MARS1: variants seen among roughly 807,000 people sequenced by gnomAD.
MARS1 encodes the protein methionyl-tRNA synthetase 1, also known as methionine--tRNA ligase, cytoplasmic.
A neutral mutation model predicts 119.5 loss-of-function variants in MARS1; 80 were observed. The ratio of observed to expected loss-of-function variants is 0.67; its 90% confidence interval spans 0.56 to 0.81. The LOEUF (loss-of-function observed/expected upper bound fraction) is 0.81, where lower values mean the gene tolerates loss of function less well. Ranked by LOEUF, MARS1 falls within the 30% of genes least tolerant of loss-of-function variation. The probability of loss-of-function intolerance (pLI) is 0.00; values close to 1 mark genes in which losing one functional copy is unlikely to be tolerated. For synonymous variants in MARS1, 418 were observed against 433.4 expected, an observed-to-expected ratio of 0.96 and a Z score of 0.44; for missense variants, 945 against 1,116.5, an observed-to-expected ratio of 0.85 and a Z score of 2.19.
intron 11 of MARS1, among the ~76,000 whole-genome samples, chr12:57,507,956 C>T (rs1335684326): frequency 5.3e-5 from 8 of 151,134 alleles, no homozygotes; most frequent in Non-Finnish European, 7.4e-5. Context: ...GGGCGGCTGC[C>T]GGGCGGAGGG....
At chr12:57,506,633 A>G (rs1367820399) in intron 11 of MARS1, among the ~76,000 whole-genome samples, 1 of 152,118 alleles carries the variant, frequency 6.6e-6, no homozygotes, top group Non-Finnish European at 1.5e-5. Context: ...CTGTGTGATT[A>G]ATATTTTCCC....
At chr12:57,510,934 T>G (rs1182428815) in intron 11 of MARS1, among the ~76,000 whole-genome samples, 19 of 151,482 alleles carry the variant, frequency 1.3e-4, no homozygotes, top group Admixed American at 1.3e-3. Context: ...ATTAACCAGG[T>G]GTGGTGGCAC....
At chr12:57,500,157 C>A (rs558863313) in intron 9 of MARS1, 164 bp from the exon 10 acceptor site, 201 of 683,060 alleles carry the variant, frequency 2.9e-4, no homozygotes, top group Non-Finnish European at 5.1e-4. Flanking sequence ...GGTCTGAGCT[C>A]ATCCAGTAAA....
At chr12:57,510,096 C>A (rs774577331) in intron 11 of MARS1, among the ~76,000 whole-genome samples, 1 of 152,140 alleles carries the variant, frequency 6.6e-6, no homozygotes, top group African/African-American at 2.4e-5. Context: ...ACCGCACTCT[C>A]AAACTCTCGG....
chr12:57,515,468 C>T, intron 18 of MARS1, 132 bp downstream of exon 18: 1 of 864,052 alleles, frequency 1.2e-6, no homozygotes, highest in South Asian at 1.8e-5. Context: ...ATATAAAGTC[C>T]TTGGTAGTCG....
rs745552306 is a variant in MARS1 at position 57,512,271 on chromosome 12, T to C, written c.1671T>C (p.Val557=). 1 of 1,614,160 alleles carries C rather than the reference T, an allele frequency of 6.2e-7. No individual in the cohort carries two copies. The highest frequency in any genetic ancestry group is 1.1e-5 in the South Asian group (1 of 91,084). ...DLYQFMAKDN[V]PFHSLVFPCS... is the part of the protein sequence containing the mutation. ...ATCAGTTCATGGCCAAAGACAATGT[T>C]CCTTTCCATAGCTTAGTCTTTCCTT... The change falls in exon 14 of 21, where the codon GTT becomes GTC. Residue 557 remains valine (V), a synonymous_variant. Coordinates refer to ENST00000262027, the MANE Select transcript of MARS1 (RefSeq NM_004990.4).
In MARS1 at chr12:57,493,514, ATATATAATATAT is replaced by A. The variant is rs1876201017; in HGVS notation, c.770+2875_770+2886del. ...AATATATTATAATATATAATATATAATATATAATATATTATAATATATAATATATTATAATAT... is the reference window on the plus strand; with the variant it reads ...AATATATTATAATATATAATATATAATATAATATATAATATATTATAATAT... On this transcript the variant is annotated intron_variant, in intron 7 of 20. Coordinates refer to ENST00000262027, the MANE Select transcript of MARS1 (RefSeq NM_004990.4). 6.2e-3 allele frequency among the ~76,000 whole-genome samples: 59 copies of A among 9,546 alleles called. 10 individuals are homozygous for A. The highest frequency in any genetic ancestry group is 8.8e-3 in the Non-Finnish European group (51 of 5,808). 6.3% of individuals were successfully genotyped at this position (9,546 alleles called of 152,430 possible).
Position 57,500,303 on chromosome 12 carries a change from C to G in MARS1, c.1092-18C>G. On this transcript the variant is annotated intron_variant, in intron 9 of 20. Transcript: ENST00000262027. ...GTCTTCTGACTGTCTCTTCCTGATC[C>G]CTGGCCCACCTCACCAGAATCACCC... The G allele has an allele frequency of 6.2e-7, 1 of 1,612,214 alleles. No individual in the cohort carries two copies. Among genetic ancestry groups the G allele is most frequent in the Non-Finnish European group, 8.5e-7 (1 of 1,178,458 alleles).
intron 11 of MARS1, among the ~76,000 whole-genome samples, chr12:57,504,848 C>A (rs551793591): frequency 6.6e-6 from 1 of 151,664 alleles, no homozygotes; most frequent in Non-Finnish European, 1.5e-5. Context: ...GGATTACAGG[C>A]GTCTGCCACC....
intron 1 of MARS1, chr12:57,488,742 T>C: frequency 7.7e-7 from 1 of 1,306,076 alleles, no homozygotes; most frequent in South Asian, 1.3e-5. Flanking sequence ...TTACTTTCAG[T>C]CGTTAAGTTC....
Position 57,511,779 on chromosome 12 carries a change from T to C in MARS1, c.1450T>C (p.Ser484Pro), listed in dbSNP as rs1333359524. The C allele has an allele frequency of 1.2e-6, 2 of 1,614,210 alleles. No homozygotes were observed. The highest frequency in any genetic ancestry group is 1.7e-5 in the Admixed American group (1 of 60,032). The change falls in exon 12 of 21, where the codon TCT becomes CCT. Residue 484 changes from serine (S) to proline (P), a missense_variant. Ser to Pro is a moderately conservative substitution (Grantham distance 74). Transcript: ENST00000262027. ...WTPNAQFITR[S>P]WLRDGLKPRC... Reference sequence around the variant, plus strand: ...ACCCAATGCCCAGTTTATCACCCGTTCTTGGCTTCGGGATGGCCTCAAGCC... The same window carrying C: ...ACCCAATGCCCAGTTTATCACCCGTCCTTGGCTTCGGGATGGCCTCAAGCC...
In MARS1 at chr12:57,504,257, T is replaced by C. The variant is rs758299712; in HGVS notation, c.1326T>C (p.Pro442=). 6.2e-7 allele frequency: 1 copy of C among 1,614,178 alleles called. No individual in the cohort carries two copies. The highest frequency in any genetic ancestry group is 1.1e-5 in the South Asian group (1 of 91,086). Residue 442 remains proline, a synonymous_variant, in exon 11 of 21, where the codon CCT becomes CCC. Coordinates refer to ENST00000262027, the MANE Select transcript of MARS1 (RefSeq NM_004990.4). ...AGTGTAAAGTCTGCCGATCATGCCC[T>C]GTGGTGCAGTCGAGCCAGCACCTGT... is the stretch of plus-strand genomic sequence containing the variant. The part of the protein sequence containing the change: ...KPQCKVCRSC[P]VVQSSQHLFL...
Position 57,511,862 on chromosome 12 carries a change from AG to A in MARS1, c.1534del (p.Asp512ThrfsTer51), listed in dbSNP as rs1771114461. ...CCCCTGTACCCTTAGAAGGTTTTGA[AG>A]ACAAGGTAAAAACCCTTTTTTATTC... is the stretch of plus-strand genomic sequence containing the variant. ...GTPVPLEGFE[D>X]KVFYVWFDAT... On this transcript the variant is annotated frameshift_variant, in exon 12 of 21. Coordinates refer to ENST00000262027, the MANE Select transcript of MARS1 (RefSeq NM_004990.4). LOFTEE classifies it high-confidence loss of function. 4 of 1,613,938 alleles carry A rather than the reference AG, an allele frequency of 2.5e-6. No homozygotes were observed. Among genetic ancestry groups the A allele is most frequent in the Non-Finnish European group, 3.4e-6 (4 of 1,179,868 alleles).
intron 7 of MARS1, among the ~76,000 whole-genome samples, chr12:57,495,325 G>A (rs1876552072): frequency 6.6e-6 from 1 of 151,090 alleles, no homozygotes; most frequent in Non-Finnish European, 1.5e-5. Context: ...CCCGGATGGG[G>A]TGGCGGTCGG....
intron 11 of MARS1, among the ~76,000 whole-genome samples, chr12:57,507,448 C>T (rs1877241821): frequency 1.3e-5 from 1 of 76,144 alleles, no homozygotes; most frequent in Non-Finnish European, 3.1e-5. Flanking sequence ...GCGCCCCTCA[C>T]CTCCCGGACG....
At chr12:57,495,778 C>G (rs1287549537) in intron 7 of MARS1, among the ~76,000 whole-genome samples, 1 of 152,258 alleles carries the variant, frequency 6.6e-6, no homozygotes, top group Non-Finnish European at 1.5e-5. Flanking sequence ...GCGGGCAGAT[C>G]ACTCGCGGTC....
intron 19 of MARS1, 86 bp downstream of exon 19, chr12:57,516,077 T>A: frequency 3.4e-6 from 5 of 1,460,796 alleles, no homozygotes; most frequent in Non-Finnish European, 4.8e-6. Context: ...CACCCATCAC[T>A]CTTTCCATCT....
intron 1 of MARS1, chr12:57,488,463 G>A: frequency 8.8e-7 from 1 of 1,134,550 alleles, no homozygotes; most frequent in Non-Finnish European, 1.3e-6. Context: ...CCAGTAAACT[G>A]CTCTTCCCTT....
Position 57,489,413 on chromosome 12 carries a change from C to T in MARS1, c.280-11C>T, listed in dbSNP as rs1294750938. 1 of 1,614,182 alleles carries T rather than the reference C, an allele frequency of 6.2e-7. No homozygotes were observed. Reference sequence around the variant, plus strand: ...GCGTGGCCATCCTGACTCATGTCCCCTGCATTTTAGCCAGCTTTGTCTGCT... The same window carrying T: ...GCGTGGCCATCCTGACTCATGTCCCTTGCATTTTAGCCAGCTTTGTCTGCT... On this transcript the variant is annotated splice_polypyrimidine_tract_variant and intron_variant, in intron 3 of 20. Coordinates refer to ENST00000262027, the MANE Select transcript of MARS1 (RefSeq NM_004990.4).
Sources: allele counts gnomAD v4.1 joint callset (sites outside exome capture counted in the v4.1 genomes callset), GRCh38; gene constraint gnomAD v4.1.1; transcripts MANE v1.5; gene names NCBI Gene and HGNC (gene_info 2026-07-23, HGNC 2026-07-21).